Variants in DDX42 observed in about 807,000 individuals in gnomAD.
The protein encoded by DDX42 is ATP-dependent RNA helicase DDX42.
A neutral mutation model predicts 101.5 loss-of-function variants in DDX42; 22 were observed. The ratio of observed to expected loss-of-function variants is 0.22; its 90% CI spans 0.15 to 0.31. The LOEUF (loss-of-function observed/expected upper bound fraction) is 0.31. Ranked by LOEUF, DDX42 falls within the 10% of genes least tolerant of loss-of-function variation. DDX42 has a pLI of 1.00. For synonymous variants in DDX42, 402 were observed against 401.2 expected (o/e 1.00, Z -0.02); for missense variants, 849 against 1,199.9 (o/e 0.71, Z 4.32).
At chr17:63,787,904 G>GGT (rs2039566889) in intron 2 of DDX42, among the ~76,000 whole-genome samples, 1 of 82,466 alleles carries the variant, frequency 1.2e-5, no homozygotes, top group South Asian at 4.7e-4. Flanking sequence ...TAATTCATGT[G>GGT]GTTTTTTTTT....
intron 2 of DDX42, among the ~76,000 whole-genome samples, chr17:63,788,787 C>G (rs1286753336): frequency 6.6e-6 from 1 of 152,160 alleles, no homozygotes; most frequent in East Asian, 1.9e-4. Context: ...GTTCTAATTT[C>G]TATACAAAAT....
intron 2 of DDX42, among the ~76,000 whole-genome samples, chr17:63,791,855 G>C (rs1457091184): frequency 1.3e-5 from 2 of 151,962 alleles, no homozygotes; most frequent in Non-Finnish European, 2.9e-5. Flanking sequence ...AGACCAGCCT[G>C]GCCAACATGG....
intron 14 of DDX42, 110 bp from the exon 15 acceptor site, chr17:63,813,118 C>A: frequency 2.0e-6 from 2 of 984,034 alleles, no homozygotes; most frequent in Non-Finnish European, 3.0e-6. Context: ...CAAACCCATG[C>A]GCTTTGCCTA....
chr17:63,783,824 A>G (rs1384358815), intron 1 of DDX42, among the ~76,000 whole-genome samples: 1 of 152,118 alleles, frequency 6.6e-6, no homozygotes, highest in Non-Finnish European at 1.5e-5. Flanking sequence ...GCACTTCGGG[A>G]GGCCAAGGTG....
intron 3 of DDX42, among the ~76,000 whole-genome samples, chr17:63,793,181 T>A (rs1360061226): frequency 1.3e-5 from 2 of 152,196 alleles, no homozygotes; most frequent in Non-Finnish European, 2.9e-5. Context: ...CCAACTTTAT[T>A]AGTTAACAAC....
chr17:63,800,353 AC>A, intron 5 of DDX42, 114 bp from the exon 6 acceptor site: 1 of 879,992 alleles, frequency 1.1e-6, no homozygotes, highest in South Asian at 2.0e-5. Context: ...ATCTTGCCTT[AC>A]TTGGTAGGTA....
intron 1 of DDX42, among the ~76,000 whole-genome samples, chr17:63,786,075 G>A (rs1049641360): frequency 1.3e-5 from 2 of 152,268 alleles, no homozygotes; most frequent in Middle Eastern, 3.4e-3. Flanking sequence ...ATGTTAATTA[G>A]CAGGCAAATC....
rs1219829863 is a variant in DDX42, at chr17:63,817,862, A to C, written c.2281A>C (p.Lys761Gln). 1 of 1,614,084 alleles carries C rather than the reference A, an allele frequency of 6.2e-7. No homozygotes were observed. The highest frequency in any genetic ancestry group is 8.5e-7 in the Non-Finnish European group (1 of 1,180,048). Residue 761 changes from lysine to glutamine, a missense_variant, in exon 18 of 18, where the codon AAG becomes CAG. Lys to Gln is a moderately conservative substitution (Grantham distance 53). This residue lies in a region of DDX42 where 300 missense variants were observed against 304.9 expected (regional missense o/e 0.98). Transcript: ENST00000389924. ...SPDSPVTSAA[K>Q]GIPGFGNTGN... Reference sequence around the variant, plus strand: ...TGACAGCCCCGTCACCAGTGCCGCCAAGGGCATCCCAGGCTTTGGCAATAC... The same window carrying C: ...TGACAGCCCCGTCACCAGTGCCGCCCAGGGCATCCCAGGCTTTGGCAATAC...
chr17:63,816,648 TA>T (rs2144593372), intron 16 of DDX42: 1 of 406,736 alleles, frequency 2.5e-6, no homozygotes, highest in East Asian at 4.1e-5. Context: ...CATTTCTGTT[TA>T]ATAGGGTTAA....
Position 63,789,546 on chromosome 17 carries a change from C to CGT in DDX42, c.221+2276_221+2277insGT, listed in dbSNP as rs138224520. On this transcript the variant is annotated intron_variant, in intron 2 of 17. Coordinates refer to ENST00000389924, the MANE Select transcript of DDX42 (RefSeq NM_203499.3). ...ATTGGAAAAAAAAGCTTCTAAAAGA[C>CGT]TTTTTTGTTTTTGTTTTTGTTTTTG... Among the ~76,000 whole-genome samples the CGT allele has an allele frequency of 3.8e-4, 46 of 121,838 alleles. 12 individuals are homozygous for CGT. The highest frequency in any genetic ancestry group is 1.3e-3 in the African/African-American group (37 of 29,354). The allele number at this position is 121,838 out of a possible 152,430, so 79.9% of individuals were successfully genotyped here. A position where few individuals can be genotyped will look rare whatever the true frequency, so the allele number is the denominator to read the frequency against.
rs886738873 is a variant in DDX42, at chr17:63,819,081, A to T, written c.*683A>T. 6.6e-6 allele frequency: 1 copy of T among 152,478 alleles called. No individual in the cohort carries two copies. 9.4% of individuals were successfully genotyped at this position (152,478 alleles called of 1,614,324 possible). On this transcript the variant is annotated 3_prime_UTR_variant, in exon 18 of 18. Transcript: ENST00000389924. ...GGTTTGAGATGGTATTGCTAAATTT[A>T]AAATTAAACAAGAAACCCAACAACA...
chr17:63,809,421 T>TA (rs2039882659), intron 10 of DDX42, 139 bp from the exon 11 acceptor site: 1 of 638,786 alleles, frequency 1.6e-6, no homozygotes, highest in African/African-American at 1.8e-5. Flanking sequence ...AAGTAGTGCA[T>TA]AAGGTATGTG....
intron 6 of DDX42, among the ~76,000 whole-genome samples, chr17:63,803,927 G>A (rs938116914): frequency 3.9e-5 from 6 of 152,066 alleles, no homozygotes; most frequent in Non-Finnish European, 7.4e-5. Flanking sequence ...TGGGATTACG[G>A]GTATGAGCCA....
At chr17:63,797,525 T>C (rs981361053) in intron 3 of DDX42, among the ~76,000 whole-genome samples, 1 of 151,908 alleles carries the variant, frequency 6.6e-6, no homozygotes, top group Non-Finnish European at 1.5e-5. Flanking sequence ...CTGTGTATTG[T>C]AGAATGTTTA....
chr17:63,817,671 C>A lies in DDX42; in HGVS notation c.2113-23C>A, dbSNP rs1476359488. ...TCTTGAACTTGCTATCTTACCTACT[C>A]CTGATGTCTCTTTCTCTTTCAGTCA... On this transcript the variant is annotated intron_variant, in intron 17 of 17. Coordinates refer to ENST00000389924, the MANE Select transcript of DDX42 (RefSeq NM_203499.3). 15 of 1,607,218 alleles carry A rather than the reference C, an allele frequency of 9.3e-6. No individual in the cohort carries two copies. The African/African-American group carries it at 2.0e-4, about 22-fold the overall frequency.
intron 2 of DDX42, among the ~76,000 whole-genome samples, chr17:63,790,923 G>A (rs754161009): frequency 2.0e-5 from 3 of 152,148 alleles, no homozygotes; most frequent in Non-Finnish European, 4.4e-5. Flanking sequence ...ACAGGGCGAG[G>A]CTGTCTCAAA....
chr17:63,803,708 G>A (rs2584631), intron 6 of DDX42, among the ~76,000 whole-genome samples: 3 of 148,988 alleles, frequency 2.0e-5, no homozygotes, highest in Non-Finnish European at 4.5e-5. Flanking sequence ...GTGCAGTGAC[G>A]CAACCTTGGC....
chr17:63,811,916 A>G lies in DDX42; in HGVS notation c.1399-16A>G, dbSNP rs1205745867. 1 of 1,613,996 alleles carries G rather than the reference A, an allele frequency of 6.2e-7. No homozygotes were observed. The highest frequency in any genetic ancestry group is 1.3e-5 in the African/African-American group (1 of 74,908). On this transcript the variant is annotated splice_polypyrimidine_tract_variant and intron_variant, in intron 13 of 17. Transcript: ENST00000389924. ...CTCCAATGTCACAATCATCTGTTTC[A>G]TTTCTTCCTTCTCAGGCAAATGAAG...
chr17:63,813,487 G>A (rs764508342), intron 15 of DDX42, 33 bp downstream of exon 15: 1 of 1,587,218 alleles, frequency 6.3e-7, no homozygotes, highest in Admixed American at 1.7e-5. Flanking sequence ...AATTGCTCCT[G>A]GTTATAAGAC....
Sources: gnomAD v4.1 joint callset for allele counts (sites outside exome capture counted in the v4.1 genomes callset) on GRCh38, gnomAD v4.1.1 for gene constraint, gnomAD v4.1.1 regional missense constraint, MANE v1.5 for transcripts, NCBI Gene and HGNC (gene_info 2026-07-23, HGNC 2026-07-21) for gene names.